PUDP: variants seen among roughly 807,000 people sequenced by gnomAD.
PUDP encodes the protein pseudouridine 5'-phosphatase, also known as pseudouridine-5'-phosphatase.
PUDP carries 8 observed loss-of-function variants against 9.4 expected under a neutral mutation model. The observed-to-expected ratio is 0.85, with a 90% CI of 0.50 to 1.53. The LOEUF (loss-of-function observed/expected upper bound fraction) is 1.53. Ranked by LOEUF, PUDP falls within the 40% of genes most tolerant of loss-of-function variation. The pLI, the probability that PUDP is intolerant of heterozygous loss-of-function variation, is 0.00. For missense variants in PUDP, 188 were observed against 189.7 expected, an observed-to-expected ratio of 0.99 and a Z score of 0.05; for synonymous variants, 99 against 80.7, an observed-to-expected ratio of 1.23 and a Z score of -1.22.
At chrX:6,762,055 C>T (rs1034118241) in intron 3 of PUDP, among the ~76,000 whole-genome samples, 4 of 111,182 alleles carry the variant, frequency 3.6e-5, no homozygotes, top group East Asian at 5.7e-4. Flanking sequence ...AGCTGGGTGA[C>T]GTGGCATACG....
chrX:6,866,506 G>C (rs1356713764), intron 3 of PUDP, among the ~76,000 whole-genome samples: 2 of 111,339 alleles, frequency 1.8e-5, no homozygotes, highest in Non-Finnish European at 3.8e-5. Context: ...GGGAACTGGG[G>C]AAGCTGCGCC....
At chrX:6,943,516 A>G (rs1398185301) in intron 3 of PUDP, among the ~76,000 whole-genome samples, 1 of 106,641 alleles carries the variant, frequency 9.4e-6, no homozygotes, top group African/African-American at 3.3e-5. Flanking sequence ...AGAAATTTGG[A>G]ATTGAATGGA....
chrX:7,132,528 G>A (rs1339798751), intron 1 of PUDP, among the ~76,000 whole-genome samples: 5 of 111,652 alleles, frequency 4.5e-5, no homozygotes, highest in African/African-American at 1.6e-4. Context: ...GCTGAGATAA[G>A]GCTAGAGCTT....
chrX:6,863,464 G>C (rs1464829197), intron 3 of PUDP, among the ~76,000 whole-genome samples: 1 of 112,274 alleles, frequency 8.9e-6, no homozygotes, highest in East Asian at 2.8e-4. Flanking sequence ...GAAGAGGCAG[G>C]TTAGGCTTTA....
At chrX:7,137,600 T>C (rs1272181237) in intron 1 of PUDP, among the ~76,000 whole-genome samples, 1 of 112,183 alleles carries the variant, frequency 8.9e-6, no homozygotes, top group East Asian at 2.8e-4. Flanking sequence ...AGGCATCTTG[T>C]GACAAAGCCA....
At chrX:7,004,060 G>C (rs1249797797) in intron 1 of PUDP, among the ~76,000 whole-genome samples, 2 of 110,412 alleles carry the variant, frequency 1.8e-5, no homozygotes, top group African/African-American at 3.3e-5. Flanking sequence ...ATTTTTTGTA[G>C]AGATGGGGTT....
intron 1 of PUDP, among the ~76,000 whole-genome samples, chrX:6,711,312 G>A (rs1426575553): frequency 9.0e-6 from 1 of 111,152 alleles, no homozygotes; most frequent in Non-Finnish European, 1.9e-5. Context: ...ACTGAGGGTG[G>A]AAACCCCGCC....
intron 3 of PUDP, among the ~76,000 whole-genome samples, chrX:6,735,686 C>T (rs987003612): frequency 2.7e-5 from 3 of 111,192 alleles, no homozygotes; most frequent in African/African-American, 9.8e-5. Context: ...TAATTCATCC[C>T]TCTCTTGAAT....
intron 1 of PUDP, among the ~76,000 whole-genome samples, chrX:7,115,016 C>T (rs191886584): frequency 9.8e-5 from 11 of 112,264 alleles, no homozygotes; most frequent in Admixed American, 3.8e-4. Context: ...CCCATTCTTT[C>T]TCAAGTTAAC....
downstream of PUDP, among the ~76,000 whole-genome samples, chrX:7,045,720 A>T (rs940042209): frequency 9.0e-6 from 1 of 111,553 alleles, no homozygotes; most frequent in Non-Finnish European, 1.9e-5. Context: ...AGGGAAATCT[A>T]AAAAGTCCAA....
intron 2 of PUDP, among the ~76,000 whole-genome samples, chrX:7,095,839 G>C (rs1452800745): frequency 2.7e-5 from 3 of 112,392 alleles, no homozygotes; most frequent in African/African-American, 9.7e-5. Flanking sequence ...GTTCCTAAAG[G>C]TAACAGCTGG....
intron 3 of PUDP, among the ~76,000 whole-genome samples, chrX:6,750,488 G>A (rs1003200386): frequency 9.0e-6 from 1 of 110,627 alleles, no homozygotes; most frequent in African/African-American, 3.3e-5. Flanking sequence ...TTACATAAAC[G>A]CACACTGCTT....
chrX:6,708,771 C>A (rs1222656727), intron 1 of PUDP, among the ~76,000 whole-genome samples: 1 of 111,943 alleles, frequency 8.9e-6, no homozygotes, highest in Non-Finnish European at 1.9e-5. Flanking sequence ...CAAGCTCTGG[C>A]TGAGGTCCCA....
chrX:7,070,673 G>A (rs778060952), intron 3 of PUDP, among the ~76,000 whole-genome samples: 17 of 111,035 alleles, frequency 1.5e-4, no homozygotes, highest in African/African-American at 4.9e-4. Flanking sequence ...TGCCTCCCGG[G>A]TTCAGGCGAT....
At chrX:7,138,456 T>G in intron 1 of PUDP, among the ~76,000 whole-genome samples, 1 of 108,534 alleles carries the variant, frequency 9.2e-6, no homozygotes, top group East Asian at 2.9e-4. Context: ...CACTACAACC[T>G]CCGCCTCCCA....
intron 1 of PUDP, among the ~76,000 whole-genome samples, chrX:7,121,085 A>G (rs1267262431): frequency 4.5e-5 from 5 of 111,782 alleles, no homozygotes; most frequent in Non-Finnish European, 9.4e-5. Context: ...AAAACTGGTC[A>G]CACAGTATAC....
intron 3 of PUDP, among the ~76,000 whole-genome samples, chrX:6,903,481 C>G (rs1012380663): frequency 6.3e-5 from 7 of 111,412 alleles, no homozygotes; most frequent in African/African-American, 6.5e-5. Flanking sequence ...AAAAAAGACA[C>G]CTGCACTTGT....
At chrX:6,833,700 T>A (rs754663853) in intron 3 of PUDP, among the ~76,000 whole-genome samples, 2 of 112,280 alleles carry the variant, frequency 1.8e-5, no homozygotes, top group African/African-American at 3.2e-5. Flanking sequence ...AACTCACTCA[T>A]CAAAAAGAAT....
chrX:7,013,924 C>G (rs1255069938), intron 1 of PUDP, among the ~76,000 whole-genome samples: 4 of 111,691 alleles, frequency 3.6e-5, no homozygotes, highest in Non-Finnish European at 5.6e-5. Flanking sequence ...CCAGCTTTTG[C>G]CCAGTGTCCC....
Sources: allele counts gnomAD v4.1 joint callset (sites outside exome capture counted in the v4.1 genomes callset), GRCh38; gene constraint gnomAD v4.1.1; transcripts MANE v1.5; gene names NCBI Gene and HGNC (gene_info 2026-07-23, HGNC 2026-07-21).